TRAPPC9: variants seen among roughly 807,000 people sequenced by gnomAD.
TRAPPC9 encodes trafficking protein particle complex subunit 9.
TRAPPC9 carries 83 observed loss-of-function variants against 124.0 expected under a neutral mutation model. That is an observed-to-expected ratio of 0.67 (90% CI 0.56 to 0.80). The LOEUF is 0.80. Ranked by LOEUF, TRAPPC9 falls within the 30% of genes least tolerant of loss-of-function variation. The pLI, the probability that TRAPPC9 is intolerant of heterozygous loss-of-function variation, is 0.00. For synonymous variants in TRAPPC9, 638 were observed against 617.5 expected (o/e 1.03, Z -0.49); for missense variants, 1,302 against 1,508.3 (o/e 0.86, Z 2.27).
intron 5 of TRAPPC9, among the ~76,000 whole-genome samples, chr8:140,419,746 C>T (rs1588320758): frequency 2.0e-5 from 3 of 151,856 alleles, no homozygotes; most frequent in African/African-American, 7.2e-5. Flanking sequence ...ATTAGCCGGG[C>T]GTGGTGGCGG....
Position 140,252,376 on chromosome 8 carries a change from A to G in TRAPPC9, c.2431+401T>C, listed in dbSNP as rs537012442. 4.6e-5 allele frequency among the ~76,000 whole-genome samples: 7 copies of G among 152,150 alleles called. No individual in the cohort carries two copies. Among genetic ancestry groups the G allele is most frequent in the Non-Finnish European group, 1.0e-4 (7 of 68,028 alleles). ...AGTCCTAATGTTACAACAAATATAA[A>G]TTTCCATTTCTTCCACACTCCACCT... On this transcript the variant is annotated intron_variant, in intron 16 of 22. Transcript: ENST00000438773. The surrounding 1 kb of genome is among the most constrained non-coding windows in gnomAD (Gnocchi z 4.2).
chr8:139,934,799 G>A (rs1294403199), intron 19 of TRAPPC9, among the ~76,000 whole-genome samples: 1 of 152,166 alleles, frequency 6.6e-6, no homozygotes, highest in Non-Finnish European at 1.5e-5. Context: ...ACATGGCTCT[G>A]GGCAGGACAG....
intron 17 of TRAPPC9, among the ~76,000 whole-genome samples, chr8:140,190,817 T>C (rs2062473656): frequency 6.6e-6 from 1 of 152,216 alleles, no homozygotes; most frequent in Non-Finnish European, 1.5e-5. Context: ...TTGCCCAGCC[T>C]TTCAAAGAAA....
intron 19 of TRAPPC9, among the ~76,000 whole-genome samples, chr8:139,947,136 C>T (rs895340201): frequency 3.9e-5 from 6 of 152,140 alleles, no homozygotes; most frequent in Non-Finnish European, 7.4e-5. Context: ...AAATAAGTAG[C>T]GTGTTGTAGC....
intron 20 of TRAPPC9, among the ~76,000 whole-genome samples, chr8:139,898,164 A>G (rs547247135): frequency 6.6e-6 from 1 of 152,332 alleles, no homozygotes; most frequent in Non-Finnish European, 1.5e-5. Context: ...CTACTTGCCC[A>G]GGAAGAGCAG....
intron 17 of TRAPPC9, among the ~76,000 whole-genome samples, chr8:140,046,495 G>T (rs1006252651): frequency 6.6e-6 from 1 of 152,172 alleles, no homozygotes; most frequent in African/African-American, 2.4e-5. Context: ...TGTCACGCTG[G>T]CTAGAAGGTA....
chr8:139,753,412 T>C (rs920967741), intron 21 of TRAPPC9, among the ~76,000 whole-genome samples: 21 of 152,226 alleles, frequency 1.4e-4, no homozygotes, highest in Admixed American at 1.2e-3. Context: ...ATCCCTCATC[T>C]TTCCATCTAT....
chr8:139,797,069 T>C (rs946041757), intron 21 of TRAPPC9, among the ~76,000 whole-genome samples: 1 of 152,234 alleles, frequency 6.6e-6, no homozygotes. Flanking sequence ...TCTATTCAAG[T>C]CCTTGCCCGT....
At position 140,052,848 on chromosome 8, in the gene TRAPPC9, G is replaced by A. The variant is rs1218945193; in HGVS notation, c.2557-28769C>T. On this transcript the variant is annotated intron_variant, in intron 17 of 22. Transcript: ENST00000438773. ...TGTGGTCCCAGCTACCGGAGAGGCT[G>A]GGATAGGAGAATCTCTTGAGCTCTG... is the stretch of plus-strand genomic sequence containing the variant. 2.0e-5 allele frequency among the ~76,000 whole-genome samples: 3 copies of A among 152,156 alleles called. No individual in the cohort carries two copies. The East Asian group carries it at 5.8e-4, about 29-fold the overall frequency.
intron 17 of TRAPPC9, among the ~76,000 whole-genome samples, chr8:140,068,959 G>A (rs1016913331): frequency 6.6e-6 from 1 of 152,144 alleles, no homozygotes; most frequent in South Asian, 2.1e-4. Context: ...ACACAAGAAG[G>A]AAAAGATTTT....
At chr8:140,416,609 G>C (rs1207408353) in intron 5 of TRAPPC9, among the ~76,000 whole-genome samples, 1 of 152,168 alleles carries the variant, frequency 6.6e-6, no homozygotes, top group Non-Finnish European at 1.5e-5. Context: ...CTCATGGATA[G>C]GAAGAATCAA....
At chr8:140,103,963 C>T (rs181395884) in intron 17 of TRAPPC9, among the ~76,000 whole-genome samples, 1 of 152,180 alleles carries the variant, frequency 6.6e-6, no homozygotes, top group East Asian at 1.9e-4. Flanking sequence ...AACAGAAATA[C>T]GCGTTTTTGA....
At position 139,730,483 on chromosome 8, in the gene TRAPPC9, C is replaced by G. The variant is rs371477572; in HGVS notation, c.*578G>C. ...AGCCCAGGCCTGGACATTTGCCCACCACGGGTGGAGGGCCTCTCTTGGCAT... is the reference window on the plus strand; with the variant it reads ...AGCCCAGGCCTGGACATTTGCCCACGACGGGTGGAGGGCCTCTCTTGGCAT... On this transcript the variant is annotated 3_prime_UTR_variant, in exon 23 of 23. Transcript: ENST00000438773. 140 of 154,762 alleles carry G rather than the reference C, an allele frequency of 9.0e-4. 2 individuals carry two copies. The South Asian group carries it at 0.026, about 29-fold the overall frequency. 9.6% of individuals were successfully genotyped at this position (154,762 alleles called of 1,614,324 possible). A position where few individuals can be genotyped will look rare whatever the true frequency, so the allele number is the denominator to read the frequency against.
intron 14 of TRAPPC9, among the ~76,000 whole-genome samples, chr8:140,276,090 A>G (rs866013172): frequency 4.6e-5 from 7 of 152,250 alleles, no homozygotes; most frequent in Non-Finnish European, 1.0e-4. Context: ...TTTCTCAGGC[A>G]TATGTGAAGC....
chr8:140,430,025 T>C lies in TRAPPC9; in HGVS notation c.860-3384A>G, dbSNP rs181147520. 4.5e-3 allele frequency among the ~76,000 whole-genome samples: 672 copies of C among 150,684 alleles called. 7 individuals are homozygous for C. Among genetic ancestry groups the C allele is most frequent in the African/African-American group, 0.015 (622 of 40,866 alleles). On this transcript the variant is annotated intron_variant, in intron 4 of 22. Coordinates refer to ENST00000438773, the MANE Select transcript of TRAPPC9 (RefSeq NM_001160372.4). ...AGCTGGGCGAGGTGGCAGGCGCCTG[T>C]AATCCCAGCTACTTGGGAGGCTGAG...
At chr8:139,848,671 A>T (rs1827256120) in intron 21 of TRAPPC9, among the ~76,000 whole-genome samples, 1 of 152,172 alleles carries the variant, frequency 6.6e-6, no homozygotes, top group African/African-American at 2.4e-5. Flanking sequence ...TATATCTCCC[A>T]GCTCCCGAAA....
At chr8:140,172,812 G>A (rs565697141) in intron 17 of TRAPPC9, among the ~76,000 whole-genome samples, 1 of 152,286 alleles carries the variant, frequency 6.6e-6, no homozygotes, top group Admixed American at 6.5e-5. Flanking sequence ...AATTTATAGG[G>A]GAGAAAACTG....
intron 21 of TRAPPC9, among the ~76,000 whole-genome samples, chr8:139,765,905 T>C (rs2319561): frequency 1 from 151,980 of 152,322 alleles, 75,820 homozygotes; most frequent in Middle Eastern, 1. Context: ...GGTGAGCTGG[T>C]GGCACACGTA....
chr8:140,295,792 T>C (rs997746427), intron 11 of TRAPPC9, among the ~76,000 whole-genome samples: 1 of 152,250 alleles, frequency 6.6e-6, no homozygotes, highest in African/African-American at 2.4e-5. Flanking sequence ...GTTAAAGTTA[T>C]GTGATCTGTC....
Sources: allele counts gnomAD v4.1 joint callset (sites outside exome capture counted in the v4.1 genomes callset), GRCh38; gene constraint gnomAD v4.1.1; non-coding constraint Gnocchi (gnomAD v3.1); transcripts MANE v1.5; gene names NCBI Gene and HGNC (gene_info 2026-07-23, HGNC 2026-07-21).